FAT3: variants seen among roughly 807,000 people sequenced by gnomAD.
FAT3 encodes protocadherin Fat 3.
Under a neutral mutation model 310.2 loss-of-function variants are expected in FAT3, and 95 were observed. That is an observed-to-expected ratio of 0.31 (90% CI 0.26 to 0.36). The LOEUF (loss-of-function observed/expected upper bound fraction) is 0.36, where lower values mean the gene tolerates loss of function less well. Ranked by LOEUF, FAT3 falls within the 10% of genes least tolerant of loss-of-function variation. The pLI, the probability that FAT3 is intolerant of heterozygous loss-of-function variation, is 1.00. For missense variants in FAT3, 5,408 were observed against 5,715.6 expected (o/e 0.95, Z 1.74); for synonymous variants, 2,314 against 2,192.9 (o/e 1.06, Z -1.54).
At chr11:92,336,045 T>G (rs1948064469) in intron 1 of FAT3, 1 of 499,764 alleles carries the variant, frequency 2.0e-6, no homozygotes. Context: ...GTTCTCATCC[T>G]CTGGCAACTG....
intron 4 of FAT3, among the ~76,000 whole-genome samples, chr11:92,753,538 C>T (rs549376578): frequency 9.9e-5 from 15 of 152,026 alleles, no homozygotes; most frequent in African/African-American, 3.6e-4. Context: ...AGTTAGATTT[C>T]GGTTTAATGT....
chr11:92,588,567 C>T lies in FAT3; in HGVS notation c.3607+63619C>T, dbSNP rs527609583. ...TTTGGAACACTCTCTGCCCTACTGA[C>T]ATTAATTAACAAAACACTCCACAGA... On this transcript the variant is annotated intron_variant, in intron 3 of 27. Transcript: ENST00000525166. Among the ~76,000 whole-genome samples, 20 of 152,142 alleles carry T rather than the reference C, an allele frequency of 1.3e-4. No individual in the cohort carries two copies. The East Asian group carries it at 3.3e-3, about 25-fold the overall frequency.
At chr11:92,705,816 T>A (rs1591631009) in intron 4 of FAT3, among the ~76,000 whole-genome samples, 1 of 116,190 alleles carries the variant, frequency 8.6e-6, no homozygotes, top group Non-Finnish European at 1.8e-5. Flanking sequence ...TTGGTGGTGG[T>A]GTGATGGTGG....
chr11:92,496,251 C>T (rs1952758634), intron 2 of FAT3, among the ~76,000 whole-genome samples: 1 of 151,984 alleles, frequency 6.6e-6, no homozygotes, highest in African/African-American at 2.4e-5. Flanking sequence ...CTCAATTCTA[C>T]CCTCAGTGCC....
At chr11:92,663,700 A>G (rs1942866517) in intron 3 of FAT3, among the ~76,000 whole-genome samples, 2 of 152,144 alleles carry the variant, frequency 1.3e-5, no homozygotes, top group Non-Finnish European at 2.9e-5. Flanking sequence ...TTGTCGTCAT[A>G]TCTGATAGAT....
chr11:92,455,936 A>C (rs1951483611), intron 2 of FAT3, among the ~76,000 whole-genome samples: 1 of 152,208 alleles, frequency 6.6e-6, no homozygotes, highest in Admixed American at 6.5e-5. Flanking sequence ...TCAGCTTTCC[A>C]TAAATAAGAC....
At chr11:92,753,867 G>A (rs1945898929) in intron 4 of FAT3, among the ~76,000 whole-genome samples, 1 of 150,672 alleles carries the variant, frequency 6.6e-6, no homozygotes, top group African/African-American at 2.5e-5. Context: ...GGATGAGATT[G>A]AAGACTATTA....
At chr11:92,697,140 T>C (rs1943967589) in intron 3 of FAT3, among the ~76,000 whole-genome samples, 1 of 152,204 alleles carries the variant, frequency 6.6e-6, no homozygotes, top group African/African-American at 2.4e-5. Context: ...AGTGATTTTT[T>C]ACATCCCCAA....
intron 1 of FAT3, among the ~76,000 whole-genome samples, chr11:92,293,568 T>G (rs1946769064): frequency 7.0e-6 from 1 of 142,664 alleles, no homozygotes; most frequent in African/African-American, 2.6e-5. Flanking sequence ...AATATATTCC[T>G]TCCAATTTCA....
chr11:92,538,006 G>A (rs1157769481), intron 3 of FAT3, among the ~76,000 whole-genome samples: 1 of 152,054 alleles, frequency 6.6e-6, no homozygotes, highest in South Asian at 2.1e-4. Context: ...CTATTTGGAT[G>A]TTGGCCATCA....
Position 92,586,348 on chromosome 11 carries a change from C to T in FAT3, c.3607+61400C>T, listed in dbSNP as rs142374555. On this transcript the variant is annotated intron_variant, in intron 3 of 27. Transcript: ENST00000525166. ...GCACAGCCTGCAGTCTTAAAAAATA[C>T]TAAGTCCATGAAAGTCAAAGAGGAC... Among the ~76,000 whole-genome samples, 59 of 152,028 alleles carry T rather than the reference C, an allele frequency of 3.9e-4. 1 individual carries two copies. The highest frequency in any genetic ancestry group is 1.0e-3 in the South Asian group (5 of 4,818).
rs1251172843 is a variant in FAT3 at position 92,354,365 on chromosome 11, T to C, written c.2253T>C (p.Tyr751=). Residue 751 remains tyrosine, a synonymous_variant, in exon 2 of 28, where the codon TAT becomes TAC. Transcript: ENST00000525166. ...CTAACATTCTGAAGATTAAAGCCTATGATGCCGACTCTGGCTTCAATGGAA... is the reference window on the plus strand; with the variant it reads ...CTAACATTCTGAAGATTAAAGCCTACGATGCCGACTCTGGCTTCAATGGAA... ...VGANILKIKA[Y]DADSGFNGKV... is the part of the protein sequence containing the mutation. 9.3e-6 allele frequency: 15 copies of C among 1,613,836 alleles called. No individual in the cohort carries two copies. Among genetic ancestry groups the C allele is most frequent in the Non-Finnish European group, 1.2e-5 (14 of 1,179,878 alleles).
In FAT3 at chr11:92,350,714, T is replaced by G. The variant is rs565506623; in HGVS notation, c.-17-1382T>G. On this transcript the variant is annotated intron_variant, in intron 1 of 27. Transcript: ENST00000525166. Reference sequence around the variant, plus strand: ...GACCCTCAGTTTTCTAATATGTCATTGGGTAAAATAGTACCTATTACTTAG... The same window carrying G: ...GACCCTCAGTTTTCTAATATGTCATGGGGTAAAATAGTACCTATTACTTAG... Among the ~76,000 whole-genome samples, 15 of 152,056 alleles carry G rather than the reference T, an allele frequency of 9.9e-5. No individual in the cohort carries two copies. The South Asian group carries it at 2.9e-3, about 29-fold the overall frequency.
At chr11:92,475,057 A>G (rs1952011547) in intron 2 of FAT3, among the ~76,000 whole-genome samples, 2 of 152,094 alleles carry the variant, frequency 1.3e-5, no homozygotes, top group African/African-American at 2.4e-5. Flanking sequence ...CCTTGACACA[A>G]TGGCGGTTTT....
chr11:92,302,045 A>G (rs1246413832), intron 1 of FAT3, among the ~76,000 whole-genome samples: 1 of 151,774 alleles, frequency 6.6e-6, no homozygotes, highest in East Asian at 1.9e-4. Flanking sequence ...ATGCAGATAC[A>G]CACACACACA....
intron 3 of FAT3, among the ~76,000 whole-genome samples, chr11:92,578,231 A>G (rs1279849970): frequency 6.6e-6 from 1 of 152,118 alleles, no homozygotes. Context: ...ACTGATAATA[A>G]TATTCACAGG....
In FAT3 at chr11:92,686,775, A is replaced by T. The variant is rs138800177; in HGVS notation, c.3608-10609A>T. 2.6e-5 allele frequency among the ~76,000 whole-genome samples: 4 copies of T among 152,322 alleles called. No homozygotes were observed. In the East Asian group the frequency reaches 7.7e-4, roughly 29 times the overall value. On this transcript the variant is annotated intron_variant, in intron 3 of 27. Transcript: ENST00000525166. The stretch of plus-strand genomic sequence containing the variant: ...TATAGAGCAAAGATGATCTTAAAGG[A>T]TTGCATGCCTACAAAGCACACATGC...
intron 1 of FAT3, among the ~76,000 whole-genome samples, chr11:92,231,832 A>G (rs1294195964): frequency 6.7e-6 from 1 of 150,094 alleles, no homozygotes; most frequent in African/African-American, 2.4e-5. Context: ...GATAAATTCT[A>G]TGTAAGTCTG....
At chr11:92,793,881 C>A (rs2136166277) in intron 9 of FAT3, among the ~76,000 whole-genome samples, 1 of 151,984 alleles carries the variant, frequency 6.6e-6, no homozygotes, top group Admixed American at 6.5e-5. Context: ...AATATGAATG[C>A]TAGAATGACA....
Sources: gnomAD v4.1 joint callset for allele counts (sites outside exome capture counted in the v4.1 genomes callset) on GRCh38, gnomAD v4.1.1 for gene constraint, MANE v1.5 for transcripts, NCBI Gene and HGNC (gene_info 2026-07-23, HGNC 2026-07-21) for gene names.